PLXNA4: variants seen among roughly 807,000 people sequenced by gnomAD.
The protein encoded by PLXNA4 is plexin-A4.
A neutral mutation model predicts 191.8 loss-of-function variants in PLXNA4; 44 were observed. The ratio of observed to expected loss-of-function variants is 0.23; its 90% CI spans 0.18 to 0.29. The LOEUF is 0.29. Among genes scored for constraint, PLXNA4 ranks in the 10% least tolerant of loss-of-function variants. The probability of loss-of-function intolerance (pLI) is 1.00; values close to 1 mark genes in which losing one functional copy is unlikely to be tolerated. For synonymous variants in PLXNA4, 1,082 were observed against 1,009.5 expected (o/e 1.07, Z -1.36); for missense variants, 1,800 against 2,488.8 (o/e 0.72, Z 5.89).
intron 1 of PLXNA4, among the ~76,000 whole-genome samples, chr7:132,562,417 C>CTCT (rs1801230090): frequency 1.5e-5 from 2 of 132,234 alleles, no homozygotes; most frequent in African/African-American, 3.1e-5. Context: ...CCTTCTCCTC[C>CTCT]TTCTCCTACT....
chr7:132,184,846 G>A (rs1024690843), intron 16 of PLXNA4, among the ~76,000 whole-genome samples: 8 of 152,126 alleles, frequency 5.3e-5, no homozygotes, highest in Admixed American at 1.3e-4. Context: ...TATTTGGATG[G>A]GGCCTCCAGG....
In PLXNA4 at chr7:132,179,723, T is replaced by G. The variant is rs775856842; in HGVS notation, c.3838A>C (p.Asn1280His). The G allele has an allele frequency of 1.9e-6, 3 of 1,614,116 alleles. No homozygotes were observed. The Admixed American group carries it at 5.0e-5, about 27-fold the overall frequency. The change falls in exon 20 of 32, where the codon AAC becomes CAC. Residue 1280 changes from asparagine (N) to histidine (H), a missense_variant. By Grantham distance (68) the Asn-to-His change is moderately conservative. This residue lies in a region of PLXNA4 where 1,397 missense variants were observed against 1,880.4 expected (regional missense o/e 0.74). Transcript: ENST00000321063. Reference sequence around the variant, plus strand: ...TCCAGGGCCACACGGGACTCCAGGTTGTCCATCTGCATCTGCAGCCGCTTC... The same window carrying G: ...TCCAGGGCCACACGGGACTCCAGGTGGTCCATCTGCATCTGCAGCCGCTTC... ...TLKRLQMQMD[N>H]LESRVALECK...
chr7:132,212,875 G>A (rs1797847628), intron 9 of PLXNA4, among the ~76,000 whole-genome samples: 2 of 152,250 alleles, frequency 1.3e-5, no homozygotes, highest in East Asian at 1.9e-4. Context: ...GCTGAAAGAG[G>A]AGCCGCAGAT....
At chr7:132,499,071 G>C (rs1355717220) in intron 2 of PLXNA4, among the ~76,000 whole-genome samples, 9 of 152,208 alleles carry the variant, frequency 5.9e-5, no homozygotes, top group African/African-American at 2.2e-4. Flanking sequence ...CTGGAGAAGG[G>C]CATTAAGCCA....
intron 9 of PLXNA4, among the ~76,000 whole-genome samples, chr7:132,216,736 C>A (rs187229348): frequency 6.6e-6 from 1 of 152,158 alleles, no homozygotes; most frequent in Admixed American, 6.5e-5. Context: ...CTAAGGACAC[C>A]GTTTACGTCA....
At chr7:132,255,720 C>T (rs979923612) in intron 4 of PLXNA4, among the ~76,000 whole-genome samples, 63 of 152,332 alleles carry the variant, frequency 4.1e-4, no homozygotes, top group African/African-American at 1.5e-3. Context: ...GAACCCCTCC[C>T]TATCAATAGG....
chr7:132,138,425 C>T (rs1000916576), intron 30 of PLXNA4, among the ~76,000 whole-genome samples: 2 of 152,240 alleles, frequency 1.3e-5, no homozygotes, highest in African/African-American at 4.8e-5. Context: ...TCTGCCCTGC[C>T]GGACTTTACT....
At chr7:132,268,759 A>T (rs746887900) in intron 4 of PLXNA4, among the ~76,000 whole-genome samples, 1 of 152,170 alleles carries the variant, frequency 6.6e-6, no homozygotes, top group Non-Finnish European at 1.5e-5. Flanking sequence ...CTTTTCTTGG[A>T]TAGCATCTGT....
At chr7:132,209,383 G>T (rs1290766157) in intron 10 of PLXNA4, among the ~76,000 whole-genome samples, 2 of 152,224 alleles carry the variant, frequency 1.3e-5, no homozygotes, top group African/African-American at 2.4e-5. Flanking sequence ...TCTTTCTATA[G>T]GGAGGGTCTT....
At chr7:132,399,123 G>T (rs139441900) in intron 3 of PLXNA4, among the ~76,000 whole-genome samples, 6 of 152,246 alleles carry the variant, frequency 3.9e-5, no homozygotes, top group African/African-American at 1.2e-4. Context: ...ATTTCCCTCA[G>T]TCACGTCTCT....
chr7:132,563,791 CT>C (rs1801524557), intron 1 of PLXNA4, among the ~76,000 whole-genome samples: 24 of 49,480 alleles, frequency 4.9e-4, no homozygotes, highest in Non-Finnish European at 7.7e-4. Flanking sequence ...CTTCCTCCTC[CT>C]TCTCCTCCTC....
intron 6 of PLXNA4, 53 bp downstream of exon 6, chr7:132,228,293 G>A (rs984692397): frequency 2.3e-5 from 37 of 1,608,960 alleles, no homozygotes; most frequent in Admixed American, 5.0e-5. Context: ...TTTTAGTGAG[G>A]GGAGAGTTTT....
At chr7:132,586,972 A>G (rs1331280149) in intron 2 of PLXNA4, among the ~76,000 whole-genome samples, 1 of 152,236 alleles carries the variant, frequency 6.6e-6, no homozygotes, top group Non-Finnish European at 1.5e-5. Flanking sequence ...AATAAGCTCA[A>G]TATGAATCAA....
In PLXNA4 at chr7:132,185,293, T is replaced by G. The variant is rs570919293; in HGVS notation, c.3158+6A>C. 1.9e-6 allele frequency: 3 copies of G among 1,610,736 alleles called. No homozygotes were observed. In the South Asian group the frequency reaches 3.3e-5, roughly 18 times the overall value. ...AGCATTAAGGTCCGCTTGGGCCAGC[T>G]CCTACCTGACAATGCTCCATTCTGG... On this transcript the variant is annotated splice_donor_region_variant and intron_variant, in intron 16 of 31. Transcript: ENST00000321063.
chr7:132,426,251 A>G (rs935429141), intron 3 of PLXNA4, among the ~76,000 whole-genome samples: 2 of 152,196 alleles, frequency 1.3e-5, no homozygotes, highest in African/African-American at 2.4e-5. Context: ...CAGCCCTTCA[A>G]TGGCCCCCGG....
At chr7:132,626,829 A>C (rs1803385886) in intron 2 of PLXNA4, among the ~76,000 whole-genome samples, 1 of 152,058 alleles carries the variant, frequency 6.6e-6, no homozygotes, top group African/African-American at 2.4e-5. Flanking sequence ...TCTCAGCCCA[A>C]CCCAGGATAT....
intron 3 of PLXNA4, among the ~76,000 whole-genome samples, chr7:132,420,792 G>A (rs1310986597): frequency 6.6e-6 from 1 of 152,156 alleles, no homozygotes; most frequent in Non-Finnish European, 1.5e-5. Context: ...TCTCGTGACA[G>A]TGAATGAGTC....
chr7:132,389,472 A>T (rs1805305185), intron 3 of PLXNA4, among the ~76,000 whole-genome samples: 1 of 152,214 alleles, frequency 6.6e-6, no homozygotes, highest in Non-Finnish European at 1.5e-5. Context: ...ATCTAGTTTC[A>T]GCTTTCTGCA....
At chr7:132,238,348 G>A (rs1372814608) in intron 5 of PLXNA4, among the ~76,000 whole-genome samples, 1 of 152,150 alleles carries the variant, frequency 6.6e-6, no homozygotes, top group East Asian at 1.9e-4. Flanking sequence ...CACTAACTCC[G>A]TGTTCCAGCG....
Sources: allele counts gnomAD v4.1 joint callset (sites outside exome capture counted in the v4.1 genomes callset), GRCh38; gene constraint gnomAD v4.1.1; regional missense constraint gnomAD v4.1.1; transcripts MANE v1.5; gene names NCBI Gene and HGNC (gene_info 2026-07-23, HGNC 2026-07-21).